The following ERBB4 variants were observed in gnomAD, a reference collection of about 807,000 sequenced individuals.
ERBB4 encodes receptor tyrosine-protein kinase erbB-4.
Under a neutral mutation model 158.0 loss-of-function variants are expected in ERBB4, and 42 were observed. The ratio of observed to expected loss-of-function variants is 0.27; its 90% CI spans 0.21 to 0.34. The LOEUF (loss-of-function observed/expected upper bound fraction) is 0.34. ERBB4 is among the 10% of genes least tolerant of loss of function. The probability of loss-of-function intolerance (pLI) is 1.00; values close to 1 mark genes in which losing one functional copy is unlikely to be tolerated. For missense variants in ERBB4, 1,333 were observed against 1,624.1 expected (o/e 0.82, Z 3.08); for synonymous variants, 583 against 558.7 (o/e 1.04, Z -0.61).
chr2:212,175,363 T>G (rs2081631463), intron 1 of ERBB4, among the ~76,000 whole-genome samples: 1 of 152,010 alleles, frequency 6.6e-6, no homozygotes, highest in Admixed American at 6.6e-5. Flanking sequence ...TTCCTCTTTA[T>G]GTCACTGTTT....
intron 1 of ERBB4, among the ~76,000 whole-genome samples, chr2:212,214,640 A>G (rs945406847): frequency 4.7e-5 from 7 of 150,046 alleles, no homozygotes; most frequent in African/African-American, 1.8e-4. Context: ...TGGAATTTCC[A>G]TACATTGCTG....
At chr2:211,935,512 A>G (rs1249448719) in intron 3 of ERBB4, among the ~76,000 whole-genome samples, 1 of 152,116 alleles carries the variant, frequency 6.6e-6, no homozygotes, top group African/African-American at 2.4e-5. Flanking sequence ...GGACTGCAGG[A>G]CTTAGAACAG....
intron 3 of ERBB4, among the ~76,000 whole-genome samples, chr2:211,850,748 G>C (rs922336533): frequency 1.3e-5 from 2 of 151,922 alleles, no homozygotes; most frequent in Non-Finnish European, 2.9e-5. Flanking sequence ...GAGGCTGTTA[G>C]GGGCCAGATC....
intron 2 of ERBB4, among the ~76,000 whole-genome samples, chr2:212,041,609 G>A (rs2077143670): frequency 6.7e-6 from 1 of 150,322 alleles, no homozygotes; most frequent in Admixed American, 6.6e-5. Context: ...AAAACCAGTA[G>A]CATCTCATAC....
At chr2:212,241,838 A>C (rs2084117788) in intron 1 of ERBB4, among the ~76,000 whole-genome samples, 1 of 151,074 alleles carries the variant, frequency 6.6e-6, no homozygotes, top group African/African-American at 2.4e-5. Flanking sequence ...TTTAATGTGT[A>C]TATGTATTTT....
chr2:211,727,164 G>A (rs375151390), intron 5 of ERBB4, among the ~76,000 whole-genome samples: 3 of 152,000 alleles, frequency 2.0e-5, no homozygotes, highest in East Asian at 1.9e-4. Flanking sequence ...ATATATCCAC[G>A]TTATATGGGC....
chr2:212,446,045 T>C (rs527643503), intron 1 of ERBB4, among the ~76,000 whole-genome samples: 109 of 152,346 alleles, frequency 7.2e-4, no homozygotes, highest in African/African-American at 2.4e-3. Context: ...GTTAACTTTA[T>C]GTAATAGTAT....
intron 20 of ERBB4, among the ~76,000 whole-genome samples, chr2:211,531,290 G>A (rs1345041959): frequency 6.6e-6 from 1 of 152,048 alleles, no homozygotes; most frequent in African/African-American, 2.4e-5. Context: ...GCAAGCACAG[G>A]TAACCAGAGC....
chr2:212,211,747 G>C (rs2082942405), intron 1 of ERBB4, among the ~76,000 whole-genome samples: 1 of 151,804 alleles, frequency 6.6e-6, no homozygotes, highest in Admixed American at 6.6e-5. Flanking sequence ...TACCCCAACA[G>C]GGCCTGGTGT....
intron 1 of ERBB4, among the ~76,000 whole-genome samples, chr2:212,462,265 T>C (rs982121810): frequency 2.6e-5 from 4 of 152,136 alleles, no homozygotes; most frequent in African/African-American, 9.7e-5. Flanking sequence ...AATGAAACTA[T>C]ATCAAACTAA....
intron 1 of ERBB4, among the ~76,000 whole-genome samples, chr2:212,316,889 T>G (rs1560000691): frequency 6.6e-6 from 1 of 151,578 alleles, no homozygotes; most frequent in Non-Finnish European, 1.5e-5. Flanking sequence ...CTTATAGTTC[T>G]GTGAATAAAT....
chr2:212,120,560 G>A (rs1188583665), intron 2 of ERBB4, among the ~76,000 whole-genome samples: 1 of 152,076 alleles, frequency 6.6e-6, no homozygotes. Context: ...AGGTATCAGG[G>A]AAAATTGTCA....
chr2:211,578,323 C>T (rs1442698378), intron 19 of ERBB4, among the ~76,000 whole-genome samples: 1 of 152,230 alleles, frequency 6.6e-6, no homozygotes, highest in Admixed American at 6.5e-5. Flanking sequence ...CAAGTGGAAA[C>T]ATATTCCATG....
intron 1 of ERBB4, among the ~76,000 whole-genome samples, chr2:212,168,867 T>C (rs568199930): frequency 6.6e-6 from 1 of 152,288 alleles, no homozygotes; most frequent in African/African-American, 2.4e-5. Context: ...GGAATTACAG[T>C]AATGTAACCT....
At chr2:212,269,059 A>G (rs1450422429) in intron 1 of ERBB4, among the ~76,000 whole-genome samples, 1 of 151,188 alleles carries the variant, frequency 6.6e-6, no homozygotes, top group Non-Finnish European at 1.5e-5. Flanking sequence ...TTTCAGTTAT[A>G]TAATGCACAT....
chr2:212,057,860 A>C (rs2077629583), intron 2 of ERBB4, among the ~76,000 whole-genome samples: 2 of 152,200 alleles, frequency 1.3e-5, no homozygotes, highest in South Asian at 4.1e-4. Context: ...CTAACATCAC[A>C]ATTAAAAGAA....
intron 20 of ERBB4, among the ~76,000 whole-genome samples, chr2:211,468,838 T>TAACAAC (rs5838267): frequency 6.7e-6 from 1 of 150,040 alleles, no homozygotes; most frequent in Non-Finnish European, 1.5e-5. Context: ...TGCAGAAGAA[T>TAACAAC]AACAACAACA....
chr2:212,199,150 C>T (rs1559726122), intron 1 of ERBB4, among the ~76,000 whole-genome samples: 3 of 152,234 alleles, frequency 2.0e-5, no homozygotes, highest in South Asian at 4.1e-4. Flanking sequence ...TCCACATTCT[C>T]ATCAATACTT....
chr2:211,381,635 C>T lies in ERBB4; in HGVS notation c.*1980G>A. The T allele has an allele frequency of 4.3e-6, 1 of 231,456 alleles. No individual in the cohort carries two copies. The highest frequency in any genetic ancestry group is 2.2e-5 in the African/African-American group (1 of 45,332). 14.3% of individuals were successfully genotyped at this position (231,456 alleles called of 1,614,324 possible). A position where few individuals can be genotyped will look rare whatever the true frequency, so the allele number is the denominator to read the frequency against. On this transcript the variant is annotated 3_prime_UTR_variant, in exon 28 of 28. Transcript: ENST00000342788. ...TGAGTGTTCCCCACAAAACATGGTGCTTTTAGTAGACACAGTTAGATAAAG... is the reference window on the plus strand; with the variant it reads ...TGAGTGTTCCCCACAAAACATGGTGTTTTTAGTAGACACAGTTAGATAAAG...
Sources: allele counts gnomAD v4.1 joint callset (sites outside exome capture counted in the v4.1 genomes callset), GRCh38; gene constraint gnomAD v4.1.1; transcripts MANE v1.5; gene names NCBI Gene and HGNC (gene_info 2026-07-23, HGNC 2026-07-21).